The following AKAP13 variants were observed in gnomAD, a reference collection of about 807,000 sequenced individuals.
AKAP13 encodes the protein A-kinase anchoring protein 13.
In AKAP13, 80 loss-of-function variants were observed where a neutral mutation model predicts 264.5. The ratio of observed to expected loss-of-function variants is 0.30; its 90% CI spans 0.25 to 0.36. The LOEUF is 0.36. AKAP13 is among the 10% of genes least tolerant of loss of function. The pLI is 1.00. For missense variants in AKAP13, 3,712 were observed against 3,435.2 expected, an observed-to-expected ratio of 1.08 and a Z score of -2.01; for synonymous variants, 1,380 against 1,250.2, an observed-to-expected ratio of 1.10 and a Z score of -2.19.
At chr15:85,717,550 CT>C in intron 21 of AKAP13, 148 bp downstream of exon 21, 1 of 652,666 alleles carries the variant, frequency 1.5e-6, no homozygotes, top group South Asian at 1.8e-5. Flanking sequence ...GTGTCCAGTG[CT>C]TTGTCATGAC....
At position 85,724,539 on chromosome 15, in the gene AKAP13, CAG is replaced by C. The variant is rs770287211; in HGVS notation, c.6745+1220_6745+1221del. Among the ~76,000 whole-genome samples the C allele has an allele frequency of 4.4e-4, 66 of 151,246 alleles. No homozygotes were observed. Among genetic ancestry groups the C allele is most frequent in the Non-Finnish European group, 2.9e-4 (20 of 67,950 alleles). ...TCACGTGAGAGAGCAGAGTGAATGA[CAG>C]GGGAGTGACGGGAAACCAGCCCAAA... On this transcript the variant is annotated intron_variant, in intron 26 of 36. Coordinates refer to ENST00000394518, the MANE Select transcript of AKAP13 (RefSeq NM_007200.5). The surrounding 1 kb of genome is among the most constrained non-coding windows in gnomAD (Gnocchi z 4.2).
intron 5 of AKAP13, chr15:85,555,597 C>G: frequency 2.9e-6 from 2 of 680,404 alleles, no homozygotes; most frequent in Non-Finnish European, 4.6e-6. Context: ...CATTGAACTT[C>G]CCTGAAGGAC....
At chr15:85,649,321 A>G (rs1345267303) in intron 10 of AKAP13, among the ~76,000 whole-genome samples, 1 of 152,150 alleles carries the variant, frequency 6.6e-6, no homozygotes, top group Non-Finnish European at 1.5e-5. Flanking sequence ...TTTTACTCTC[A>G]ACCTCCCCAA....
chr15:85,551,352 G>A lies in AKAP13; in HGVS notation c.662+7397G>A, dbSNP rs114590953. Among the ~76,000 whole-genome samples the A allele has an allele frequency of 5.3e-3, 810 of 152,310 alleles. 2 individuals are homozygous for A. Among genetic ancestry groups the A allele is most frequent in the African/African-American group, 0.018 (764 of 41,556 alleles). ...TATTGTATTCGTTGCTAGGTATTTT[G>A]TGTAAATTCTCATATCTTTATCCTC... is the stretch of plus-strand genomic sequence containing the variant. On this transcript the variant is annotated intron_variant, in intron 5 of 36. Transcript: ENST00000394518.
At chr15:85,597,650 A>G (rs1401249774) in intron 8 of AKAP13, among the ~76,000 whole-genome samples, 1 of 152,150 alleles carries the variant, frequency 6.6e-6, no homozygotes, top group African/African-American at 2.4e-5. Flanking sequence ...GCCTTCTGAT[A>G]CAGATACTTG....
chr15:85,639,352 CTG>C lies in AKAP13; in HGVS notation c.4162-18_4162-17del. On this transcript the variant is annotated intron_variant, in intron 8 of 36. Transcript: ENST00000394518. ...TCACATTACTTCAATGTCTGAAACT[CTG>C]TGTTTTCTTTTTCTTTCAGATAAAC... 1.3e-6 allele frequency: 2 copies of C among 1,556,052 alleles called. No homozygotes were observed. Among genetic ancestry groups the C allele is most frequent in the Non-Finnish European group, 1.8e-6 (2 of 1,133,484 alleles).
chr15:85,429,241 T>G (rs929381200), intron 1 of AKAP13, among the ~76,000 whole-genome samples: 1 of 152,228 alleles, frequency 6.6e-6, no homozygotes, highest in Non-Finnish European at 1.5e-5. Context: ...AGTTCTTAAT[T>G]ATCTTGAGTT....
chr15:85,731,093 C>G (rs554986682), intron 30 of AKAP13, among the ~76,000 whole-genome samples: 1 of 150,608 alleles, frequency 6.6e-6, no homozygotes, highest in South Asian at 2.1e-4. Flanking sequence ...CAACCTCCCC[C>G]TCCTGGGTTC....
At chr15:85,723,531 CA>C (rs1319665754) in intron 26 of AKAP13, among the ~76,000 whole-genome samples, 1 of 151,846 alleles carries the variant, frequency 6.6e-6, no homozygotes, top group African/African-American at 2.4e-5. Flanking sequence ...AGGAAGAAGA[CA>C]AAGAAATGAT....
intron 8 of AKAP13, among the ~76,000 whole-genome samples, chr15:85,600,061 C>T (rs554330639): frequency 1.3e-5 from 2 of 152,022 alleles, no homozygotes; most frequent in African/African-American, 4.8e-5. Flanking sequence ...TTTGTGGGAG[C>T]TTGGAGCAGG....
chr15:85,391,749 T>A (rs772591451), intron 1 of AKAP13, among the ~76,000 whole-genome samples: 2 of 152,012 alleles, frequency 1.3e-5, no homozygotes, highest in Non-Finnish European at 2.9e-5. Flanking sequence ...CCTCCCAAAG[T>A]GCTGGGATCA....
At chr15:85,539,624 C>A (rs1281690582) in intron 4 of AKAP13, among the ~76,000 whole-genome samples, 1 of 152,184 alleles carries the variant, frequency 6.6e-6, no homozygotes, top group Admixed American at 6.5e-5. Flanking sequence ...GCAGGCTCAT[C>A]ATGCTTGAAT....
rs147211720 is a variant in AKAP13 at position 85,654,986 on chromosome 15, G to A, written c.4375-431G>A. Among the ~76,000 whole-genome samples the A allele has an allele frequency of 6.0e-3, 909 of 152,216 alleles. 5 individuals carry two copies. The highest frequency in any genetic ancestry group is 8.9e-3 in the Non-Finnish European group (607 of 68,010). ...GTGGGTCGATCATTTGAAGTTAGGC[G>A]TTACAGACCAGCCTGGCCAGCATGG... On this transcript the variant is annotated intron_variant, in intron 10 of 36. Coordinates refer to ENST00000394518, the MANE Select transcript of AKAP13 (RefSeq NM_007200.5).
At chr15:85,603,574 G>GTGGC (rs2080188783) in intron 8 of AKAP13, among the ~76,000 whole-genome samples, 1 of 152,222 alleles carries the variant, frequency 6.6e-6, no homozygotes, top group South Asian at 2.1e-4. Context: ...ACTTTGTGAT[G>GTGGC]TGGCATACAT....
chr15:85,576,662 A>G (rs1046146303), intron 6 of AKAP13, among the ~76,000 whole-genome samples: 2 of 152,192 alleles, frequency 1.3e-5, no homozygotes, highest in African/African-American at 4.8e-5. Context: ...AGCATGCATT[A>G]TTTGAGACCA....
intron 2 of AKAP13, among the ~76,000 whole-genome samples, chr15:85,508,717 A>G (rs1225155723): frequency 6.6e-6 from 1 of 152,094 alleles, no homozygotes; most frequent in East Asian, 1.9e-4. Context: ...AAGAAAAAGA[A>G]AAAAAAATCC....
intron 5 of AKAP13, among the ~76,000 whole-genome samples, chr15:85,554,580 C>A (rs1456411906): frequency 1.3e-5 from 2 of 151,678 alleles, no homozygotes; most frequent in African/African-American, 4.8e-5. Flanking sequence ...GCTTCCCTTA[C>A]TTTTTTTTCT....
intron 1 of AKAP13, among the ~76,000 whole-genome samples, chr15:85,483,401 T>TGG (rs2075408166): frequency 6.6e-6 from 1 of 151,514 alleles, no homozygotes; most frequent in East Asian, 1.9e-4. Flanking sequence ...CCGAGGCGGG[T>TGG]GGATCATGAG....
Position 85,580,277 on chromosome 15 carries a change from G to A in AKAP13, c.2209G>A (p.Val737Met), listed in dbSNP as rs1470017027. The A allele has an allele frequency of 3.7e-6, 6 of 1,614,060 alleles. No homozygotes were observed. In the Admixed American group the frequency reaches 5.0e-5, roughly 13 times the overall value. ...TGCGGATTTTTGTCCTTTCAAAGTG[G>A]TGGATAACAAAGGCCAACGAAAAGA... is the stretch of plus-strand genomic sequence containing the variant. Reference protein sequence around the residue: ...ERADFCPFKVVDNKGQRKDVK... With the variant: ...ERADFCPFKVMDNKGQRKDVK... Residue 737 changes from valine (V) to methionine (M), a missense_variant, in exon 7 of 37, where the codon GTG (valine) becomes ATG (methionine). Physicochemically the swap from Val to Met is conservative, Grantham distance 21 (BLOSUM62 1). Around this residue, in one of 3 missense-constraint regions of AKAP13, gnomAD observed 2,759 missense variants for 2,411.7 expected, o/e 1.14. Transcript: ENST00000394518.
Sources: gnomAD v4.1 joint callset for allele counts (sites outside exome capture counted in the v4.1 genomes callset) on GRCh38, gnomAD v4.1.1 for gene constraint, gnomAD v4.1.1 regional missense constraint, Gnocchi (gnomAD v3.1) non-coding constraint, MANE v1.5 for transcripts, NCBI Gene and HGNC (gene_info 2026-07-23, HGNC 2026-07-21) for gene names.